The following GALNT1 variants were observed in gnomAD, a reference collection of about 807,000 sequenced individuals.
GALNT1 encodes the protein polypeptide N-acetylgalactosaminyltransferase 1, also known as GalNAc transferase 1.
A neutral mutation model predicts 65.7 loss-of-function variants in GALNT1; 17 were observed. The observed-to-expected ratio is 0.26, with a 90% confidence interval of 0.18 to 0.39. The LOEUF is 0.39. Among genes scored for constraint, GALNT1 ranks in the 10% least tolerant of loss-of-function variants. The probability of loss-of-function intolerance (pLI) is 1.00; values close to 1 mark genes in which losing one functional copy is unlikely to be tolerated. For missense variants in GALNT1, 460 were observed against 672.8 expected (o/e 0.68, Z 3.50); for synonymous variants, 210 against 219.7 (o/e 0.96, Z 0.39).
At chr18:35,697,909 G>A (rs1339925963) in intron 9 of GALNT1, among the ~76,000 whole-genome samples, 1 of 152,206 alleles carries the variant, frequency 6.6e-6, no homozygotes, top group African/African-American at 2.4e-5. Flanking sequence ...CAATTCCTAT[G>A]AAGAGGACCA....
At chr18:35,602,824 C>T (rs148043618) in intron 1 of GALNT1, among the ~76,000 whole-genome samples, 91 of 152,224 alleles carry the variant, frequency 6.0e-4, no homozygotes, top group Admixed American at 5.0e-3. Context: ...TCTGAGAGCT[C>T]GCACATTGCT....
intron 1 of GALNT1, among the ~76,000 whole-genome samples, chr18:35,616,967 A>G (rs182258150): frequency 6.6e-6 from 1 of 152,294 alleles, no homozygotes; most frequent in East Asian, 1.9e-4. Context: ...CCCTGTAACC[A>G]TAGATCCTGA....
chr18:35,587,152 A>G (rs1046992772), intron 1 of GALNT1, among the ~76,000 whole-genome samples: 1 of 152,108 alleles, frequency 6.6e-6, no homozygotes, highest in Non-Finnish European at 1.5e-5. Context: ...GTGTCCATGT[A>G]CTCATTGCCA....
chr18:35,663,359 C>A (rs951101317), intron 2 of GALNT1, among the ~76,000 whole-genome samples: 1 of 152,158 alleles, frequency 6.6e-6, no homozygotes, highest in East Asian at 1.9e-4. Flanking sequence ...TTAAGGAGAT[C>A]AGTGTGGCAG....
At chr18:35,599,982 T>C (rs1199557914) in intron 1 of GALNT1, among the ~76,000 whole-genome samples, 1 of 152,232 alleles carries the variant, frequency 6.6e-6, no homozygotes, top group East Asian at 1.9e-4. Context: ...TTTATTCTTT[T>C]TGCCTGGGAT....
chr18:35,595,100 G>A (rs2046489009), intron 1 of GALNT1, among the ~76,000 whole-genome samples: 1 of 152,112 alleles, frequency 6.6e-6, no homozygotes, highest in Non-Finnish European at 1.5e-5. Flanking sequence ...TGAAGAGGCA[G>A]ATTCTGACAA....
chr18:35,590,658 T>C (rs985692357), intron 1 of GALNT1, among the ~76,000 whole-genome samples: 1 of 152,228 alleles, frequency 6.6e-6, no homozygotes, highest in East Asian at 1.9e-4. Flanking sequence ...TTTATTGTTG[T>C]CTTTCAGGTT....
intron 1 of GALNT1, among the ~76,000 whole-genome samples, chr18:35,629,309 G>A (rs1598788439): frequency 6.6e-6 from 1 of 152,118 alleles, no homozygotes; most frequent in African/African-American, 2.4e-5. Context: ...ATTAAGGGCA[G>A]CCAGAGAGAA....
intron 11 of GALNT1, among the ~76,000 whole-genome samples, chr18:35,708,872 A>C (rs1022642111): frequency 6.6e-6 from 1 of 152,194 alleles, no homozygotes; most frequent in Non-Finnish European, 1.5e-5. Context: ...CTTTATCTTC[A>C]TTATCTATGT....
intron 1 of GALNT1, among the ~76,000 whole-genome samples, chr18:35,637,770 G>A (rs1483007007): frequency 6.6e-6 from 1 of 152,264 alleles, no homozygotes; most frequent in Non-Finnish European, 1.5e-5. Context: ...CATAGGTAGA[G>A]AGAAGTCAGT....
chr18:35,690,847 A>G (rs575358817), intron 7 of GALNT1, among the ~76,000 whole-genome samples, 165 bp from the exon 8 acceptor site: 1 of 152,306 alleles, frequency 6.6e-6, no homozygotes, highest in South Asian at 2.1e-4. Flanking sequence ...GGTAGTATGG[A>G]GGTACTTTGG....
chr18:35,624,210 T>G (rs1262396802), intron 1 of GALNT1, among the ~76,000 whole-genome samples: 1 of 152,204 alleles, frequency 6.6e-6, no homozygotes. Context: ...CATAGATATT[T>G]TAGGGTTCTC....
intron 3 of GALNT1, among the ~76,000 whole-genome samples, chr18:35,665,030 C>T (rs1052792263): frequency 6.6e-6 from 1 of 152,232 alleles, no homozygotes; most frequent in Non-Finnish European, 1.5e-5. Context: ...CCTGATCACC[C>T]TTATGGAAAC....
chr18:35,630,904 C>T (rs1363103871), intron 1 of GALNT1, among the ~76,000 whole-genome samples: 2 of 152,130 alleles, frequency 1.3e-5, no homozygotes, highest in East Asian at 3.8e-4. Flanking sequence ...TACAAACTAC[C>T]ATCAGAGAAT....
rs974902915 is a variant in GALNT1 at position 35,691,347 on chromosome 18, A to G, written c.1159+155A>G. Reference sequence around the variant, plus strand: ...GAATGAATGAAATCACACACAGTATAGAAAGTGCTTGGCAGAATGCCTAGA... The same window carrying G: ...GAATGAATGAAATCACACACAGTATGGAAAGTGCTTGGCAGAATGCCTAGA... On this transcript the variant is annotated intron_variant, in intron 8 of 11. Coordinates refer to ENST00000269195, the MANE Select transcript of GALNT1 (RefSeq NM_020474.4). The G allele has an allele frequency of 8.0e-5, 43 of 535,202 alleles. No individual in the cohort carries two copies. The East Asian group carries it at 1.3e-3, about 16-fold the overall frequency. 33.2% of individuals were successfully genotyped at this position (535,202 alleles called of 1,614,324 possible). A position where few individuals can be genotyped will look rare whatever the true frequency, so the allele number is the denominator to read the frequency against.
chr18:35,628,176 C>T (rs1285883923), intron 1 of GALNT1, among the ~76,000 whole-genome samples: 1 of 152,226 alleles, frequency 6.6e-6, no homozygotes, highest in Non-Finnish European at 1.5e-5. Context: ...GCAGAAACCT[C>T]TGCGGACTTA....
intron 3 of GALNT1, among the ~76,000 whole-genome samples, chr18:35,671,247 T>TG (rs1256604724): frequency 6.6e-6 from 1 of 152,168 alleles, no homozygotes; most frequent in Admixed American, 6.5e-5. Context: ...GACAGGGTCT[T>TG]GCTCTGTTGC....
intron 3 of GALNT1, 80 bp downstream of exon 3, chr18:35,663,882 A>G: frequency 7.5e-7 from 1 of 1,338,862 alleles, no homozygotes; most frequent in Non-Finnish European, 1.1e-6. Context: ...TTGAGTGCTG[A>G]TTGTTCTTAA....
At chr18:35,609,466 C>T (rs1346121434) in intron 1 of GALNT1, among the ~76,000 whole-genome samples, 1 of 152,106 alleles carries the variant, frequency 6.6e-6, no homozygotes, top group African/African-American at 2.4e-5. Context: ...TTGCCTGGAG[C>T]GCCTTGCTGC....
Sources: gnomAD v4.1 joint callset for allele counts (sites outside exome capture counted in the v4.1 genomes callset) on GRCh38, gnomAD v4.1.1 for gene constraint, MANE v1.5 for transcripts, NCBI Gene and HGNC (gene_info 2026-07-23, HGNC 2026-07-21) for gene names.